RASSF3: variants seen among roughly 807,000 people sequenced by gnomAD.
RASSF3 encodes the protein Ras association domain family member 3, also known as ras association domain-containing protein 3.
In RASSF3, 19 loss-of-function variants were observed where a neutral mutation model predicts 19.9. That is an observed-to-expected ratio of 0.96 (90% CI 0.67 to 1.40). The LOEUF is 1.40. Ranked by LOEUF, RASSF3 falls within the 40% of genes most tolerant of loss-of-function variation. The pLI is 0.00. For synonymous variants in RASSF3, 110 were observed against 104.2 expected (o/e 1.06, Z -0.34); for missense variants, 306 against 289.8 (o/e 1.06, Z -0.41).
intron 1 of RASSF3, among the ~76,000 whole-genome samples, chr12:64,510,936 C>CAA (rs1385536254): frequency 7.9e-5 from 12 of 152,188 alleles, no homozygotes; most frequent in African/African-American, 2.9e-4. Context: ...TGTGGGACTT[C>CAA]AGAGTCAGAC....
chr12:64,563,178 T>TA (rs1869376350), intron 2 of RASSF3, among the ~76,000 whole-genome samples: 1 of 151,886 alleles, frequency 6.6e-6, no homozygotes, highest in African/African-American at 2.4e-5. Flanking sequence ...TTTTTATTTT[T>TA]TTTTTGAGAT....
intron 1 of RASSF3, among the ~76,000 whole-genome samples, chr12:64,516,908 A>C (rs1484638810): frequency 1.3e-5 from 2 of 148,316 alleles, no homozygotes; most frequent in African/African-American, 2.5e-5. Context: ...CGGAGGCAGG[A>C]GAATCAATTG....
In RASSF3 at chr12:64,674,690, G is replaced by A. The variant is rs556975166; in HGVS notation, c.112-10097G>A. ...GGATCCTAAACCTGAATTGATGAGGGTAGCATGGGGGTTCTGAGGGCAGGG... is the reference window on the plus strand; with the variant it reads ...GGATCCTAAACCTGAATTGATGAGGATAGCATGGGGGTTCTGAGGGCAGGG... On this transcript the variant is annotated intron_variant, in intron 1 of 4. Coordinates refer to ENST00000542104, the MANE Select transcript of RASSF3 (RefSeq NM_178169.4). Among the ~76,000 whole-genome samples the A allele has an allele frequency of 1.2e-3, 178 of 152,282 alleles. 1 individual carries two copies. Among genetic ancestry groups the A allele is most frequent in the Middle Eastern group, 3.4e-3 (1 of 294 alleles).
At chr12:64,608,412 T>C (rs986451648), upstream of RASSF3, among the ~76,000 whole-genome samples, 7 of 152,120 alleles carry the variant, frequency 4.6e-5, no homozygotes. Context: ...CCTAGGCCAC[T>C]CCGGGTTCAA....
chr12:64,669,098 C>T (rs1246619671), intron 1 of RASSF3, among the ~76,000 whole-genome samples: 3 of 152,260 alleles, frequency 2.0e-5, no homozygotes, highest in Middle Eastern at 3.4e-3. Flanking sequence ...TGAAGTAGGG[C>T]GTTGAACTAT....
At chr12:64,519,342 G>A (rs1868420820) in intron 1 of RASSF3, among the ~76,000 whole-genome samples, 1 of 152,188 alleles carries the variant, frequency 6.6e-6, no homozygotes, top group African/African-American at 2.4e-5. Flanking sequence ...GGTGAGTGGT[G>A]GTTGCAGTGA....
intron 1 of RASSF3, among the ~76,000 whole-genome samples, chr12:64,516,670 A>G (rs1868372362): frequency 6.6e-6 from 1 of 151,148 alleles, no homozygotes; most frequent in Admixed American, 6.6e-5. Flanking sequence ...ACATGATTAT[A>G]TATCAGGAAA....
At chr12:64,580,064 C>A (rs1298963049) in intron 2 of RASSF3, among the ~76,000 whole-genome samples, 1 of 152,096 alleles carries the variant, frequency 6.6e-6, no homozygotes, top group Non-Finnish European at 1.5e-5. Flanking sequence ...ATCTGCCCAC[C>A]TTGGCCTCCT....
At chr12:64,562,260 C>T (rs1359499060) in intron 2 of RASSF3, among the ~76,000 whole-genome samples, 1 of 152,072 alleles carries the variant, frequency 6.6e-6, no homozygotes, top group Non-Finnish European at 1.5e-5. Flanking sequence ...AGCCTGGTCT[C>T]AAGCTCCTGA....
chr12:64,681,632 A>G (rs959401809), intron 1 of RASSF3, among the ~76,000 whole-genome samples: 1 of 152,228 alleles, frequency 6.6e-6, no homozygotes. Flanking sequence ...AGCCAAGACT[A>G]CCTCATTTTC....
At chr12:64,670,164 A>G (rs1872652914) in intron 1 of RASSF3, among the ~76,000 whole-genome samples, 1 of 152,212 alleles carries the variant, frequency 6.6e-6, no homozygotes, top group African/African-American at 2.4e-5. Flanking sequence ...TGGTGCCTGC[A>G]TTAAGGAGGA....
chr12:64,554,267 A>G (rs1869216716), intron 2 of RASSF3, among the ~76,000 whole-genome samples: 1 of 152,216 alleles, frequency 6.6e-6, no homozygotes, highest in Admixed American at 6.5e-5. Flanking sequence ...AATCCTGACA[A>G]GAGCAAATTC....
intron 1 of RASSF3, among the ~76,000 whole-genome samples, chr12:64,639,866 C>G (rs1399905684): frequency 6.6e-6 from 1 of 152,208 alleles, no homozygotes; most frequent in Non-Finnish European, 1.5e-5. Flanking sequence ...AATAAGAGAG[C>G]CACTTCTGGT....
chr12:64,618,273 G>A (rs1468278513), intron 1 of RASSF3, among the ~76,000 whole-genome samples: 1 of 152,102 alleles, frequency 6.6e-6, no homozygotes, highest in African/African-American at 2.4e-5. Flanking sequence ...AGTTTAAACA[G>A]GTAGTTCTGG....
intron 1 of RASSF3, among the ~76,000 whole-genome samples, chr12:64,535,995 CTTT>C (rs11312626): frequency 0.32 from 33,272 of 103,478 alleles, 5,313 homozygotes; most frequent in East Asian, 0.6. Flanking sequence ...CCTGTTTTCA[CTTT>C]TTTTTTTTTT....
intron 1 of RASSF3, among the ~76,000 whole-genome samples, chr12:64,655,472 T>TA (rs1565862485): frequency 6.6e-5 from 10 of 151,442 alleles, no homozygotes; most frequent in African/African-American, 2.4e-4. Flanking sequence ...ACATATATAT[T>TA]TTTTTTTCCT....
intron 2 of RASSF3, among the ~76,000 whole-genome samples, chr12:64,589,289 A>G (rs768278630): frequency 9.9e-5 from 15 of 151,984 alleles, no homozygotes; most frequent in Non-Finnish European, 2.9e-5. Flanking sequence ...ATCTCTACTA[A>G]AAATATAAAA....
At chr12:64,672,271 G>A (rs1013242955) in intron 1 of RASSF3, among the ~76,000 whole-genome samples, 31 of 151,850 alleles carry the variant, frequency 2.0e-4, no homozygotes, top group African/African-American at 7.3e-4. Flanking sequence ...TGTCACCCGG[G>A]CTGGAGTGCA....
chr12:64,523,769 G>A (rs1201935544), intron 1 of RASSF3, among the ~76,000 whole-genome samples: 2 of 147,726 alleles, frequency 1.4e-5, no homozygotes, highest in East Asian at 2.1e-4. Context: ...ATTCACAGGT[G>A]TGATCACAGT....
Sources: allele counts gnomAD v4.1 joint callset (sites outside exome capture counted in the v4.1 genomes callset), GRCh38; gene constraint gnomAD v4.1.1; transcripts MANE v1.5; gene names NCBI Gene and HGNC (gene_info 2026-07-23, HGNC 2026-07-21).